TMEM62: variants seen among roughly 807,000 people sequenced by gnomAD.
TMEM62 encodes transmembrane protein 62.
In TMEM62, 41 loss-of-function variants were observed where a neutral mutation model predicts 70.4. The observed-to-expected ratio is 0.58, with a 90% CI of 0.45 to 0.76. The LOEUF is 0.76. TMEM62 is among the 30% of genes least tolerant of loss of function. The pLI, the probability that TMEM62 is intolerant of heterozygous loss-of-function variation, is 0.00. For missense variants in TMEM62, 688 were observed against 788.5 expected (o/e 0.87, Z 1.53); for synonymous variants, 268 against 291.0 (o/e 0.92, Z 0.80).
intron 3 of TMEM62, among the ~76,000 whole-genome samples, chr15:43,136,761 A>G (rs1014744677): frequency 6.6e-6 from 1 of 151,460 alleles, no homozygotes; most frequent in Non-Finnish European, 1.5e-5. Flanking sequence ...CTGGCTTATT[A>G]TTATTTTTTT....
rs942399636 is a variant in TMEM62, at chr15:43,133,776, A to T, written c.-27A>T. On this transcript the variant is annotated 5_prime_UTR_variant, in exon 1 of 14. Transcript: ENST00000260403. ...CGCGCGGTCCTGCGCGGGATCAGCG[A>T]GGGCCGCGCCCCGGCGGGCGGGCGG... 2.2e-6 allele frequency: 3 copies of T among 1,341,552 alleles called. No homozygotes were observed. Among genetic ancestry groups the T allele is most frequent in the Non-Finnish European group, 2.8e-6 (3 of 1,054,818 alleles). The allele number at this position is 1,341,552 out of a possible 1,614,324, so 83.1% of individuals were successfully genotyped here. A position where few individuals can be genotyped will look rare whatever the true frequency, so the allele number is the denominator to read the frequency against.
At chr15:43,155,149 G>C (rs1391313372) in intron 9 of TMEM62, among the ~76,000 whole-genome samples, 1 of 152,142 alleles carries the variant, frequency 6.6e-6, no homozygotes. Flanking sequence ...GAATCCACTT[G>C]AGCCCAGGAG....
intron 5 of TMEM62, among the ~76,000 whole-genome samples, chr15:43,147,475 T>C (rs548047705): frequency 6.6e-6 from 1 of 152,164 alleles, no homozygotes; most frequent in Non-Finnish European, 1.5e-5. Flanking sequence ...TATGAAAGAA[T>C]ACAAAAGTGA....
intron 10 of TMEM62, among the ~76,000 whole-genome samples, chr15:43,162,674 C>T (rs1441183414): frequency 6.6e-6 from 1 of 152,090 alleles, no homozygotes; most frequent in Non-Finnish European, 1.5e-5. Context: ...TCAGGTGATC[C>T]ACCCACCTCA....
In TMEM62 at chr15:43,133,951, C is replaced by G; in HGVS notation, c.149C>G (p.Pro50Arg). ...PPRRPHPAPG[P>R]GDSNIFWGLQ... The stretch of plus-strand genomic sequence containing the variant: ...AGGAGGCCGCACCCTGCGCCAGGGC[C>G]CGGAGACAGCAACATCTTCTGGGGC... The change falls in exon 1 of 14, where the codon CCC (proline) becomes CGC (arginine). Residue 50 changes from proline to arginine, a missense_variant. Transcript: ENST00000260403. 2 of 1,467,318 alleles carry G rather than the reference C, an allele frequency of 1.4e-6. No homozygotes were observed. The highest frequency in any genetic ancestry group is 1.8e-6 in the Non-Finnish European group (2 of 1,119,326). The allele number at this position is 1,467,318 out of a possible 1,614,324, so 90.9% of individuals were successfully genotyped here.
intron 2 of TMEM62, among the ~76,000 whole-genome samples, chr15:43,134,945 A>G (rs754893580): frequency 3.4e-4 from 51 of 152,036 alleles, no homozygotes; most frequent in Non-Finnish European, 5.7e-4. Flanking sequence ...GGAATTCATC[A>G]CTCATCCACC....
At position 43,133,645 on chromosome 15, in the gene TMEM62, G is replaced by T. The variant is rs1030943698; in HGVS notation, c.-158G>T. ...GCGGCTGACGGGCGCAGCACCCTAGGCCCAGTGTCTGGCTCCAGCCCCGCA... is the reference window on the plus strand; with the variant it reads ...GCGGCTGACGGGCGCAGCACCCTAGTCCCAGTGTCTGGCTCCAGCCCCGCA... On this transcript the variant is annotated 5_prime_UTR_variant, in exon 1 of 14. Coordinates refer to ENST00000260403, the MANE Select transcript of TMEM62 (RefSeq NM_024956.4). 4 of 477,542 alleles carry T rather than the reference G, an allele frequency of 8.4e-6. No homozygotes were observed. Among genetic ancestry groups the T allele is most frequent in the African/African-American group, 6.1e-5 (3 of 49,582 alleles). 29.6% of individuals were successfully genotyped at this position (477,542 alleles called of 1,614,324 possible). A position where few individuals can be genotyped will look rare whatever the true frequency, so the allele number is the denominator to read the frequency against.
At chr15:43,150,185 G>C (rs1039566736) in intron 7 of TMEM62, among the ~76,000 whole-genome samples, 34 of 152,070 alleles carry the variant, frequency 2.2e-4, no homozygotes, top group Non-Finnish European at 1.3e-4. Flanking sequence ...TTCTCATTTT[G>C]GTTGACTTTT....
chr15:43,136,962 A>T (rs984122058), intron 3 of TMEM62, among the ~76,000 whole-genome samples: 1 of 152,034 alleles, frequency 6.6e-6, no homozygotes, highest in African/African-American at 2.4e-5. Context: ...TATGTTGCTT[A>T]GGCTGATCTC....
chr15:43,149,221 C>A, intron 7 of TMEM62, 70 bp downstream of exon 7: 1 of 1,507,988 alleles, frequency 6.6e-7, no homozygotes, highest in Non-Finnish European at 9.1e-7. Context: ...AGTTTTCTTA[C>A]TGATATCATG....
At chr15:43,134,935 G>A (rs1165613528) in intron 2 of TMEM62, among the ~76,000 whole-genome samples, 2 of 152,140 alleles carry the variant, frequency 1.3e-5, no homozygotes, top group East Asian at 3.8e-4. Flanking sequence ...TGCTTACTGG[G>A]GAATTCATCA....
upstream of TMEM62, chr15:43,133,181 G>C (rs1301181508): frequency 6.6e-6 from 1 of 152,264 alleles, no homozygotes; most frequent in Non-Finnish European, 1.5e-5. Context: ...CTGCCTGGGG[G>C]ATAGAGACCC....
intron 11 of TMEM62, among the ~76,000 whole-genome samples, chr15:43,173,089 G>A (rs1034828653): frequency 5.3e-5 from 8 of 152,172 alleles, no homozygotes; most frequent in African/African-American, 1.9e-4. Context: ...ATAGCCGGGT[G>A]TGGTGGCATG....
At chr15:43,136,600 C>T (rs1245789584) in intron 3 of TMEM62, among the ~76,000 whole-genome samples, 2 of 151,526 alleles carry the variant, frequency 1.3e-5, no homozygotes, top group Non-Finnish European at 2.9e-5. Flanking sequence ...AGGTACCACC[C>T]TGCCCAGTTA....
chr15:43,184,560 C>T lies in TMEM62; in HGVS notation c.1906C>T (p.Gln636Ter), dbSNP rs1310164887. The stretch of plus-strand genomic sequence containing the variant: ...CACCAAGTTTGGAATCTTCATGGTG[C>T]AGTTAAAAAGCCACCTGAGCTCCTG... ...NSTKFGIFMV[Q>*]LKSHLSS The change falls in exon 14 of 14, where the codon CAG (glutamine) becomes TAG (stop). Residue 636 changes from glutamine (Q) to a stop codon, truncating the protein, a stop_gained. Transcript: ENST00000260403. LOFTEE classifies it high-confidence loss of function. 1 of 1,611,108 alleles carries T rather than the reference C, an allele frequency of 6.2e-7. No individual in the cohort carries two copies. The highest frequency in any genetic ancestry group is 8.5e-7 in the Non-Finnish European group (1 of 1,180,016).
chr15:43,176,361 G>A (rs1489305584), intron 11 of TMEM62, among the ~76,000 whole-genome samples: 2 of 152,232 alleles, frequency 1.3e-5, no homozygotes, highest in African/African-American at 4.8e-5. Context: ...CTGGAGATCT[G>A]AGAATGGGCA....
rs28585555 is a variant in TMEM62 at position 43,184,654 on chromosome 15, C to A, written c.*68C>A. ...CTGTGTCTGTAGCCCAGGCCTCTAC[C>A]CCAGTAGCAGGTGGAGGGCCAGGAT... On this transcript the variant is annotated 3_prime_UTR_variant, in exon 14 of 14. Transcript: ENST00000260403. The A allele has an allele frequency of 5.6e-6, 8 of 1,430,578 alleles. No individual in the cohort carries two copies. The highest frequency in any genetic ancestry group is 1.4e-5 in the African/African-American group (1 of 70,430). The allele number at this position is 1,430,578 out of a possible 1,614,324, so 88.6% of individuals were successfully genotyped here. A position where few individuals can be genotyped will look rare whatever the true frequency, so the allele number is the denominator to read the frequency against.
At chr15:43,176,519 C>T (rs1179647408) in intron 11 of TMEM62, among the ~76,000 whole-genome samples, 2 of 152,312 alleles carry the variant, frequency 1.3e-5, no homozygotes, top group Admixed American at 6.5e-5. Context: ...GCAGCATTCG[C>T]GGTTCACGAA....
At chr15:43,174,425 C>A (rs534795906) in intron 11 of TMEM62, among the ~76,000 whole-genome samples, 203 of 152,166 alleles carry the variant, frequency 1.3e-3, no homozygotes, top group African/African-American at 4.8e-3. Context: ...TTTAAAAATT[C>A]TACGAAAAAG....
Sources: gnomAD v4.1 joint callset for allele counts (sites outside exome capture counted in the v4.1 genomes callset) on GRCh38, gnomAD v4.1.1 for gene constraint, MANE v1.5 for transcripts, NCBI Gene and HGNC (gene_info 2026-07-23, HGNC 2026-07-21) for gene names.